Variants in PTPRM observed in about 807,000 individuals in gnomAD.
PTPRM encodes receptor-type tyrosine-protein phosphatase mu.
PTPRM carries 47 observed loss-of-function variants against 186.7 expected under a neutral mutation model. The ratio of observed to expected loss-of-function variants is 0.25; its 90% CI spans 0.20 to 0.32. The LOEUF (loss-of-function observed/expected upper bound fraction) is 0.32. Among genes scored for constraint, PTPRM ranks in the 10% least tolerant of loss-of-function variants. The probability of loss-of-function intolerance (pLI) is 1.00; values close to 1 mark genes in which losing one functional copy is unlikely to be tolerated. For missense variants in PTPRM, 1,494 were observed against 1,865.0 expected, an observed-to-expected ratio of 0.80 and a Z score of 3.66; for synonymous variants, 668 against 674.9, an observed-to-expected ratio of 0.99 and a Z score of 0.16.
At chr18:8,104,055 C>T (rs919837141) in intron 11 of PTPRM, among the ~76,000 whole-genome samples, 11 of 152,136 alleles carry the variant, frequency 7.2e-5, no homozygotes, top group Non-Finnish European at 1.5e-4. Context: ...CATCAAAGAT[C>T]ACTCATCACA....
intron 5 of PTPRM, among the ~76,000 whole-genome samples, chr18:7,944,312 T>C (rs1391642023): frequency 1.3e-5 from 2 of 152,200 alleles, no homozygotes; most frequent in African/African-American, 2.4e-5. Flanking sequence ...TTTCTAGATA[T>C]CTTTAGGTTC....
intron 7 of PTPRM, 51 bp from the exon 8 acceptor site, chr18:8,069,635 C>T (rs776987035): frequency 2.0e-6 from 3 of 1,485,854 alleles, no homozygotes; most frequent in Non-Finnish European, 1.8e-6. Flanking sequence ...TTGACCTGAG[C>T]CTTTATCTTT....
chr18:7,725,563 T>G (rs7243127), intron 1 of PTPRM, among the ~76,000 whole-genome samples: 9,985 of 146,014 alleles, frequency 0.068, 1,100 homozygotes, highest in African/African-American at 0.22. Flanking sequence ...CCCCATCCTG[T>G]GCCTATAAAA....
At chr18:8,239,956 A>G (rs1053754557) in intron 14 of PTPRM, among the ~76,000 whole-genome samples, 1 of 152,224 alleles carries the variant, frequency 6.6e-6, no homozygotes, top group Non-Finnish European at 1.5e-5. Flanking sequence ...CATTTGTTGT[A>G]AATCAAAATG....
rs895827643 is a variant in PTPRM, at chr18:8,039,678, A to G, written c.1133-30008A>G. Among the ~76,000 whole-genome samples, 5 of 152,290 alleles carry G rather than the reference A, an allele frequency of 3.3e-5. No individual in the cohort carries two copies. The South Asian group carries it at 8.3e-4, about 25-fold the overall frequency. ...TTTTTTTGTAGTGAGAATACTTAAA[A>G]TCTACTCTCCCAGCGATTTTCAAGT... On this transcript the variant is annotated intron_variant, in intron 7 of 32. Coordinates refer to ENST00000580170, the MANE Select transcript of PTPRM (RefSeq NM_001105244.2).
intron 5 of PTPRM, among the ~76,000 whole-genome samples, chr18:7,934,179 A>C (rs769942975): frequency 2.0e-5 from 3 of 152,220 alleles, no homozygotes; most frequent in Non-Finnish European, 2.9e-5. Context: ...ATAGTAATAG[A>C]TGAATTAAAC....
At chr18:8,077,851 T>A (rs77910508) in intron 9 of PTPRM, among the ~76,000 whole-genome samples, 12,565 of 152,236 alleles carry the variant, frequency 0.083, 598 homozygotes, top group South Asian at 0.12. Flanking sequence ...GATTCTTTCT[T>A]TTTAATCCTA....
intron 20 of PTPRM, among the ~76,000 whole-genome samples, chr18:8,302,083 C>G (rs2095164376): frequency 6.6e-6 from 1 of 152,088 alleles, no homozygotes; most frequent in Admixed American, 6.5e-5. Flanking sequence ...GCTGATGGTC[C>G]TGGAAGATTT....
intron 7 of PTPRM, among the ~76,000 whole-genome samples, chr18:7,960,979 A>T (rs1288872145): frequency 6.6e-6 from 1 of 152,176 alleles, no homozygotes; most frequent in East Asian, 1.9e-4. Context: ...ATATTCAGCC[A>T]ATCTCCAGAA....
At chr18:8,186,786 TTCAAAG>T (rs2093647667) in intron 14 of PTPRM, among the ~76,000 whole-genome samples, 1 of 152,126 alleles carries the variant, frequency 6.6e-6, no homozygotes. Flanking sequence ...ACATTTGAGG[TTCAAAG>T]ACATCTAGAT....
chr18:7,615,052 A>C (rs2037769062), intron 1 of PTPRM, among the ~76,000 whole-genome samples: 1 of 152,058 alleles, frequency 6.6e-6, no homozygotes, highest in South Asian at 2.1e-4. Context: ...TCTGTATGTT[A>C]ACATTTACAT....
At chr18:8,136,300 T>G (rs1305372712) in intron 13 of PTPRM, among the ~76,000 whole-genome samples, 1 of 152,140 alleles carries the variant, frequency 6.6e-6, no homozygotes, top group Non-Finnish European at 1.5e-5. Flanking sequence ...TTTGAGAAAT[T>G]CAAATGGAAA....
rs544913355 is a variant in PTPRM at position 8,108,972 on chromosome 18, A to T, written c.1857-4514A>T. ...GGATAATAGAATTTAAATTCAGCTC[A>T]CTAAGCTAGAAATTTCTGATCAGTT... On this transcript the variant is annotated intron_variant, in intron 11 of 32. Coordinates refer to ENST00000580170, the MANE Select transcript of PTPRM (RefSeq NM_001105244.2). 2.0e-5 allele frequency among the ~76,000 whole-genome samples: 3 copies of T among 152,330 alleles called. No homozygotes were observed. The South Asian group carries it at 6.2e-4, about 32-fold the overall frequency.
intron 1 of PTPRM, among the ~76,000 whole-genome samples, chr18:7,699,158 T>A (rs1215957018): frequency 1.3e-5 from 2 of 152,184 alleles, no homozygotes; most frequent in Non-Finnish European, 2.9e-5. Context: ...CTTATGAGAC[T>A]CTAACCAATG....
chr18:8,146,224 A>C (rs186157885), intron 14 of PTPRM, among the ~76,000 whole-genome samples: 1 of 152,088 alleles, frequency 6.6e-6, no homozygotes, highest in Non-Finnish European at 1.5e-5. Flanking sequence ...GGGTTTCTCC[A>C]TGTTGGTCAA....
chr18:8,316,272 T>A (rs1336594765), intron 21 of PTPRM, among the ~76,000 whole-genome samples: 1 of 152,216 alleles, frequency 6.6e-6, no homozygotes, highest in Non-Finnish European at 1.5e-5. Flanking sequence ...TTACTTCCCC[T>A]GCACCTGGCA....
chr18:7,681,187 G>A (rs952026702), intron 1 of PTPRM, among the ~76,000 whole-genome samples: 1 of 150,406 alleles, frequency 6.6e-6, no homozygotes, highest in Non-Finnish European at 1.5e-5. Flanking sequence ...ATGAATCTCG[G>A]AACTGCCTGA....
chr18:8,326,660 G>A (rs1480999860), intron 22 of PTPRM, among the ~76,000 whole-genome samples: 1 of 152,056 alleles, frequency 6.6e-6, no homozygotes, highest in African/African-American at 2.4e-5. Context: ...CCTTTGCAAA[G>A]TTGACAAAAA....
intron 1 of PTPRM, among the ~76,000 whole-genome samples, chr18:7,752,754 T>G (rs1038386102): frequency 5.3e-5 from 8 of 152,112 alleles, no homozygotes; most frequent in African/African-American, 1.9e-4. Flanking sequence ...TTTTAGATTT[T>G]ATTAATGTTA....
Sources: gnomAD v4.1 joint callset for allele counts (sites outside exome capture counted in the v4.1 genomes callset) on GRCh38, gnomAD v4.1.1 for gene constraint, MANE v1.5 for transcripts, NCBI Gene and HGNC (gene_info 2026-07-23, HGNC 2026-07-21) for gene names.